Variants in SUGCT observed in about 807,000 individuals in gnomAD.
SUGCT encodes the protein succinyl-CoA:glutarate-CoA transferase.
SUGCT carries 41 observed loss-of-function variants against 55.0 expected under a neutral mutation model. The ratio of observed to expected loss-of-function variants is 0.74; its 90% CI spans 0.58 to 0.97. SUGCT has a LOEUF of 0.97. Among genes scored for constraint, SUGCT ranks in the 50% least tolerant of loss-of-function variants. The probability of loss-of-function intolerance (pLI) is 0.00; values close to 1 mark genes in which losing one functional copy is unlikely to be tolerated. For missense variants in SUGCT, 568 were observed against 547.8 expected (o/e 1.04, Z -0.37); for synonymous variants, 187 against 200.4 (o/e 0.93, Z 0.56).
chr7:40,193,864 G>T (rs921759182), intron 5 of SUGCT, among the ~76,000 whole-genome samples: 1 of 152,068 alleles, frequency 6.6e-6, no homozygotes, highest in African/African-American at 2.4e-5. Context: ...GCCTCCCAAA[G>T]TGCTGGGACT....
At chr7:40,480,320 T>A (rs1939797426) in intron 11 of SUGCT, among the ~76,000 whole-genome samples, 1 of 152,178 alleles carries the variant, frequency 6.6e-6, no homozygotes, top group Admixed American at 6.5e-5. Flanking sequence ...GATGATCATT[T>A]CACTGTAGAT....
At chr7:40,188,941 A>G (rs1405322558) in intron 4 of SUGCT, among the ~76,000 whole-genome samples, 1 of 152,250 alleles carries the variant, frequency 6.6e-6, no homozygotes, top group African/African-American at 2.4e-5. Context: ...ATATTAATAT[A>G]TCCTCATGGT....
At chr7:40,518,846 A>C (rs1298085873) in intron 12 of SUGCT, among the ~76,000 whole-genome samples, 1 of 152,080 alleles carries the variant, frequency 6.6e-6, no homozygotes, top group African/African-American at 2.4e-5. Context: ...GATAATCCAA[A>C]TGACAATAAA....
chr7:40,531,292 A>C (rs1794068946), intron 12 of SUGCT, among the ~76,000 whole-genome samples: 1 of 152,150 alleles, frequency 6.6e-6, no homozygotes, highest in Non-Finnish European at 1.5e-5. Context: ...TGTTATGCTT[A>C]TTTTACCCAT....
intron 9 of SUGCT, among the ~76,000 whole-genome samples, chr7:40,324,031 A>C (rs1478416137): frequency 6.6e-6 from 1 of 151,946 alleles, no homozygotes; most frequent in South Asian, 2.1e-4. Context: ...AAATTAATGC[A>C]ATCAAAAGAG....
intron 6 of SUGCT, among the ~76,000 whole-genome samples, chr7:40,236,071 T>G (rs1788990203): frequency 6.6e-6 from 1 of 152,104 alleles, no homozygotes; most frequent in African/African-American, 2.4e-5. Context: ...TTGTTATTAT[T>G]TTTTGAGGCA....
chr7:40,435,186 G>A (rs1201773267), intron 9 of SUGCT, among the ~76,000 whole-genome samples: 1 of 152,110 alleles, frequency 6.6e-6, no homozygotes, highest in Non-Finnish European at 1.5e-5. Context: ...CCAACTTTTG[G>A]CCATGGTAAG....
At chr7:40,986,052 T>C in the SUGCT span, among the ~76,000 whole-genome samples, 1 of 152,234 alleles carries the variant, frequency 6.6e-6, no homozygotes, top group African/African-American at 2.4e-5. Flanking sequence ...CTTTGACTTT[T>C]TGAGGCATAA....
At chr7:40,639,875 G>T (rs1265736632) in intron 12 of SUGCT, among the ~76,000 whole-genome samples, 1 of 151,902 alleles carries the variant, frequency 6.6e-6, no homozygotes, top group African/African-American at 2.4e-5. Flanking sequence ...TTCAGTTTCT[G>T]GTTCTTAGTC....
At chr7:40,580,721 G>C (rs1226111442) in intron 12 of SUGCT, among the ~76,000 whole-genome samples, 2 of 152,206 alleles carry the variant, frequency 1.3e-5, no homozygotes, top group Admixed American at 1.3e-4. Flanking sequence ...GTCAATGACA[G>C]ACCACATGGA....
chr7:40,425,779 A>T (rs1398578613), intron 9 of SUGCT, among the ~76,000 whole-genome samples: 1 of 152,102 alleles, frequency 6.6e-6, no homozygotes. Context: ...TTATCCAAGG[A>T]TATCAGGTTA....
intron 9 of SUGCT, among the ~76,000 whole-genome samples, chr7:40,403,371 A>C (rs970834272): frequency 1.3e-5 from 2 of 152,198 alleles, no homozygotes; most frequent in Non-Finnish European, 2.9e-5. Flanking sequence ...GTAGTATTTT[A>C]TCCAAAACAC....
intron 12 of SUGCT, among the ~76,000 whole-genome samples, chr7:40,510,343 A>T (rs964298001): frequency 6.6e-6 from 1 of 152,140 alleles, no homozygotes; most frequent in Non-Finnish European, 1.5e-5. Flanking sequence ...CTTTCCTTAA[A>T]TATCATTTTT....
chr7:40,836,328 A>G (rs1205456134), intron 13 of SUGCT, among the ~76,000 whole-genome samples: 1 of 152,164 alleles, frequency 6.6e-6, no homozygotes, highest in Non-Finnish European at 1.5e-5. Context: ...ATATTTGTAG[A>G]TTTACATGGA....
At chr7:40,609,537 C>G (rs1043508742) in intron 12 of SUGCT, among the ~76,000 whole-genome samples, 1 of 143,504 alleles carries the variant, frequency 7.0e-6, no homozygotes, top group Admixed American at 7.3e-5. Context: ...GGCAACAGAG[C>G]GAGACTCCAT....
chr7:40,322,535 G>C (rs142224289), intron 9 of SUGCT, among the ~76,000 whole-genome samples: 1 of 152,312 alleles, frequency 6.6e-6, no homozygotes, highest in African/African-American at 2.4e-5. Context: ...TTGGCAGCAG[G>C]AATTGAGGGA....
At chr7:40,353,793 A>G (rs758350492) in intron 9 of SUGCT, among the ~76,000 whole-genome samples, 1 of 152,098 alleles carries the variant, frequency 6.6e-6, no homozygotes, top group Non-Finnish European at 1.5e-5. Context: ...ATGTGTCTGA[A>G]TTTTTTCATC....
At chr7:40,313,570 T>C (rs536615169) in intron 8 of SUGCT, among the ~76,000 whole-genome samples, 1 of 152,218 alleles carries the variant, frequency 6.6e-6, no homozygotes, top group Non-Finnish European at 1.5e-5. Context: ...GAATTCTTTT[T>C]TCCCCAACTT....
intron 8 of SUGCT, among the ~76,000 whole-genome samples, chr7:40,287,142 G>A (rs1400017984): frequency 6.6e-6 from 1 of 152,064 alleles, no homozygotes; most frequent in African/African-American, 2.4e-5. Flanking sequence ...CTCTAAAGTT[G>A]AATTATTGTG....
Sources: gnomAD v4.1 joint callset for allele counts (sites outside exome capture counted in the v4.1 genomes callset) on GRCh38, gnomAD v4.1.1 for gene constraint, MANE v1.5 for transcripts, NCBI Gene and HGNC (gene_info 2026-07-23, HGNC 2026-07-21) for gene names.